The following NCOA3 variants were observed in gnomAD, a reference collection of about 807,000 sequenced individuals.
NCOA3 encodes nuclear receptor coactivator 3.
In NCOA3, 51 loss-of-function variants were observed where a neutral mutation model predicts 158.8. The observed-to-expected ratio is 0.32, with a 90% confidence interval of 0.26 to 0.41. The LOEUF (loss-of-function observed/expected upper bound fraction) is 0.41, where lower values mean the gene tolerates loss of function less well. NCOA3 is among the 10% of genes least tolerant of loss of function. NCOA3 has a pLI of 1.00. For missense variants in NCOA3, 1,510 were observed against 1,746.6 expected, an observed-to-expected ratio of 0.86 and a Z score of 2.41; for synonymous variants, 537 against 592.4, an observed-to-expected ratio of 0.91 and a Z score of 1.36.
chr20:47,593,334 ATTTTTTTT>A lies in NCOA3; in HGVS notation c.-20+10094_-20+10101del, dbSNP rs71183267. ...GGAGTACCTCCTCTTGAGTTGATGG[ATTTTTTTT>A]TTTTTTTTTTTTTTTTTTTTGAGAC... On this transcript the variant is annotated intron_variant, in intron 2 of 22. Coordinates refer to ENST00000371998, the MANE Select transcript of NCOA3 (RefSeq NM_181659.3). Among the ~76,000 whole-genome samples the A allele has an allele frequency of 5.8e-3, 369 of 63,734 alleles. 1 individual carries two copies. Among genetic ancestry groups the A allele is most frequent in the African/African-American group, 0.023 (351 of 14,966 alleles). 41.8% of individuals were successfully genotyped at this position (63,734 alleles called of 152,430 possible).
In NCOA3 at chr20:47,511,550, T is replaced by TATATATATATATATATATATACAC; in HGVS notation, c.-99+9537_-99+9538insATATATATATATATACACATATAT. On this transcript the variant is annotated intron_variant, in intron 1 of 22. Coordinates refer to ENST00000371998, the MANE Select transcript of NCOA3 (RefSeq NM_181659.3). ...ATATATATATATATATATATATATA[T>TATATATATATATATATATATACAC]ATATATTTCTTTTTTTTTTTGAGAC... 3.3e-3 allele frequency among the ~76,000 whole-genome samples: 170 copies of TATATATATATATATATATATACAC among 52,240 alleles called. 10 individuals are homozygous for TATATATATATATATATATATACAC. The highest frequency in any genetic ancestry group is 4.7e-3 in the Non-Finnish European group (119 of 25,080). The allele number at this position is 52,240 out of a possible 152,430, so 34.3% of individuals were successfully genotyped here.
Position 47,633,715 on chromosome 20 carries a change from T to C in NCOA3, c.964+79T>C, listed in dbSNP as rs1387100934. ...CCTTGCTATCTTGCCCAGGCTGGAC[T>C]CGAACTCCTGGATTTAATTGACCCT... On this transcript the variant is annotated intron_variant, in intron 9 of 22. Coordinates refer to ENST00000371998, the MANE Select transcript of NCOA3 (RefSeq NM_181659.3). 3.4e-6 allele frequency: 5 copies of C among 1,470,298 alleles called. No individual in the cohort carries two copies. The African/African-American group carries it at 7.1e-5, about 21-fold the overall frequency. 91.1% of individuals were successfully genotyped at this position (1,470,298 alleles called of 1,614,324 possible). A position where few individuals can be genotyped will look rare whatever the true frequency, so the allele number is the denominator to read the frequency against.
Position 47,624,000 on chromosome 20 carries a change from A to G in NCOA3, c.173A>G (p.Asp58Gly), listed in dbSNP as rs1267494179. Residue 58 changes from aspartate (D) to glycine (G), a missense_variant, in exon 4 of 23, where the codon GAT (aspartate) becomes GGT (glycine). This residue lies in a region of NCOA3 where 309 missense variants were observed against 427.1 expected (regional missense o/e 0.72). Transcript: ENST00000371998. ...LAELISANLS[D>G]IDNFNVKPDK... ...GAGCTGATATCTGCCAATCTTAGTG[A>G]TATTGACAATTTCAATGTCAAACCA... The G allele has an allele frequency of 6.2e-7, 1 of 1,613,170 alleles. No homozygotes were observed. The highest frequency in any genetic ancestry group is 1.7e-5 in the Admixed American group (1 of 59,902).
chr20:47,601,561 A>G (rs2085863403), intron 2 of NCOA3, among the ~76,000 whole-genome samples: 1 of 152,160 alleles, frequency 6.6e-6, no homozygotes, highest in South Asian at 2.1e-4. Flanking sequence ...TAAAAGGTGA[A>G]CTGCTGTACA....
chr20:47,540,353 C>A (rs1305795505), intron 1 of NCOA3, among the ~76,000 whole-genome samples: 1 of 152,084 alleles, frequency 6.6e-6, no homozygotes, highest in African/African-American at 2.4e-5. Flanking sequence ...GAGGGTGGAT[C>A]ATCTGAGGTC....
At chr20:47,603,950 G>A (rs1167859956) in intron 2 of NCOA3, among the ~76,000 whole-genome samples, 1 of 152,220 alleles carries the variant, frequency 6.6e-6, no homozygotes, top group African/African-American at 2.4e-5. Context: ...TGGGTTTTCA[G>A]GCTTGAGTGG....
At chr20:47,520,830 C>T (rs2084319548) in intron 1 of NCOA3, among the ~76,000 whole-genome samples, 1 of 152,162 alleles carries the variant, frequency 6.6e-6, no homozygotes, top group Non-Finnish European at 1.5e-5. Context: ...GAGAATTAGG[C>T]CCCTCTTAGC....
Position 47,644,987 on chromosome 20 carries a change from C to T in NCOA3, c.3253-2086C>T, listed in dbSNP as rs1044573492. 1.6e-4 allele frequency among the ~76,000 whole-genome samples: 24 copies of T among 151,710 alleles called. No homozygotes were observed. In the South Asian group the frequency reaches 1.7e-3, roughly 11 times the overall value. On this transcript the variant is annotated intron_variant, in intron 17 of 22. Coordinates refer to ENST00000371998, the MANE Select transcript of NCOA3 (RefSeq NM_181659.3). ...CTGAGATTACAGGTGTGAGCCACCG[C>T]GCCTGGCCAGGACTCCCCAAATTTC...
intron 1 of NCOA3, among the ~76,000 whole-genome samples, chr20:47,566,532 G>A (rs929920199): frequency 1.7e-4 from 26 of 151,194 alleles, no homozygotes; most frequent in African/African-American, 6.3e-4. Context: ...TTATTTTTGA[G>A]ATAGGGTCTT....
chr20:47,544,878 T>C (rs1338506777), intron 1 of NCOA3, among the ~76,000 whole-genome samples: 4 of 152,204 alleles, frequency 2.6e-5, no homozygotes, highest in African/African-American at 4.8e-5. Flanking sequence ...TATGTTGATA[T>C]GGACTTTCCA....
chr20:47,597,327 ATTC>A (rs1026815080), intron 2 of NCOA3, among the ~76,000 whole-genome samples: 19 of 152,016 alleles, frequency 1.2e-4, no homozygotes, highest in African/African-American at 4.3e-4. Flanking sequence ...ATTCTTGGAT[ATTC>A]TTTTCTTTTT....
chr20:47,613,316 G>A (rs2086072507), intron 2 of NCOA3, among the ~76,000 whole-genome samples: 1 of 149,160 alleles, frequency 6.7e-6, no homozygotes, highest in African/African-American at 2.5e-5. Context: ...GCTATTCATT[G>A]TGTTCAAACG....
chr20:47,580,370 G>T (rs1213608600), intron 1 of NCOA3, among the ~76,000 whole-genome samples: 5 of 152,128 alleles, frequency 3.3e-5, no homozygotes, highest in Middle Eastern at 3.4e-3. Flanking sequence ...TTCGATACCA[G>T]CCTGGCCAAT....
At chr20:47,558,376 C>T (rs1455932202) in intron 1 of NCOA3, among the ~76,000 whole-genome samples, 3 of 151,418 alleles carry the variant, frequency 2.0e-5, no homozygotes, top group East Asian at 3.9e-4. Flanking sequence ...GCCACCGCGC[C>T]GGCCTAAATT....
chr20:47,636,891 A>G (rs2086524904), intron 12 of NCOA3, 129 bp downstream of exon 12: 1 of 825,770 alleles, frequency 1.2e-6, no homozygotes, highest in African/African-American at 1.7e-5. Context: ...TTTCTTTATA[A>G]TTATTTTGGA....
intron 1 of NCOA3, among the ~76,000 whole-genome samples, chr20:47,541,760 C>T (rs577037102): frequency 4.7e-4 from 72 of 151,928 alleles, no homozygotes; most frequent in African/African-American, 1.4e-3. Context: ...AAAGATACAA[C>T]TGTCTTTCAT....
Position 47,511,540 on chromosome 20 carries a change from T to C in NCOA3, c.-99+9521T>C, listed in dbSNP as rs1304651277. On this transcript the variant is annotated intron_variant, in intron 1 of 22. Coordinates refer to ENST00000371998, the MANE Select transcript of NCOA3 (RefSeq NM_181659.3). ...CTCTCTCGAGATATATATATATATATATATATATATATATATTTCTTTTTT... is the reference window on the plus strand; with the variant it reads ...CTCTCTCGAGATATATATATATATACATATATATATATATATTTCTTTTTT... Among the ~76,000 whole-genome samples the C allele has an allele frequency of 7.1e-4, 16 of 22,662 alleles. No homozygotes were observed. In the East Asian group the frequency reaches 0.018, roughly 25 times the overall value. The allele number at this position is 22,662 out of a possible 152,430, so 14.9% of individuals were successfully genotyped here. A position where few individuals can be genotyped will look rare whatever the true frequency, so the allele number is the denominator to read the frequency against.
At chr20:47,594,668 A>C (rs1403251470) in intron 2 of NCOA3, among the ~76,000 whole-genome samples, 2 of 57,904 alleles carry the variant, frequency 3.5e-5, no homozygotes, top group Non-Finnish European at 8.0e-5. Flanking sequence ...CTGTCTCAAA[A>C]AAAAAAAAAA....
chr20:47,510,092 C>T (rs2084092409), intron 1 of NCOA3, among the ~76,000 whole-genome samples: 1 of 152,186 alleles, frequency 6.6e-6, no homozygotes, highest in Non-Finnish European at 1.5e-5. Flanking sequence ...TTTAAAACTA[C>T]TTTCATCAGG....
Sources: gnomAD v4.1 joint callset for allele counts (sites outside exome capture counted in the v4.1 genomes callset) on GRCh38, gnomAD v4.1.1 for gene constraint, gnomAD v4.1.1 regional missense constraint, MANE v1.5 for transcripts, NCBI Gene and HGNC (gene_info 2026-07-23, HGNC 2026-07-21) for gene names.